The following TMBIM6 variants were observed in gnomAD, a reference collection of about 807,000 sequenced individuals.
The protein encoded by TMBIM6 is bax inhibitor 1.
In TMBIM6, 13 loss-of-function variants were observed where a neutral mutation model predicts 31.4. That is an observed-to-expected ratio of 0.41 (90% CI 0.27 to 0.66). The LOEUF (loss-of-function observed/expected upper bound fraction) is 0.66, where lower values mean the gene tolerates loss of function less well. Among genes scored for constraint, TMBIM6 ranks in the 30% least tolerant of loss-of-function variants. The pLI, the probability that TMBIM6 is intolerant of heterozygous loss-of-function variation, is 0.28. For missense variants in TMBIM6, 275 were observed against 289.5 expected, an observed-to-expected ratio of 0.95 and a Z score of 0.36; for synonymous variants, 85 against 101.7, an observed-to-expected ratio of 0.84 and a Z score of 0.99.
chr12:49,752,673 C>A, intron 2 of TMBIM6, 124 bp downstream of exon 2: 2 of 846,472 alleles, frequency 2.4e-6, no homozygotes, highest in Non-Finnish European at 3.7e-6. Flanking sequence ...ATCCAGAGGA[C>A]CTGATGAAAA....
chr12:49,745,783 G>A (rs1021139015), intron 1 of TMBIM6, among the ~76,000 whole-genome samples: 5 of 151,798 alleles, frequency 3.3e-5, no homozygotes, highest in Non-Finnish European at 7.4e-5. Flanking sequence ...GGGATATCTG[G>A]TATGATATTT....
intron 1 of TMBIM6, chr12:49,741,926 T>C (rs1945302284): frequency 4.1e-6 from 3 of 735,124 alleles, no homozygotes; most frequent in South Asian, 3.8e-5. Flanking sequence ...CCTTTTCCTT[T>C]CTCCCGCTCC....
In TMBIM6 at chr12:49,764,721, A is replaced by AAAT. The variant is rs777476590; in HGVS notation, c.*1826_*1827insATA. ...GAATGACAAGATATTAAAAAAAAAAAAGAAAGAAAAAAAAAAAAACACCTA... is the reference window on the plus strand; with the variant it reads ...GAATGACAAGATATTAAAAAAAAAAAAATAGAAAGAAAAAAAAAAAAACACCTA... On this transcript the variant is annotated 3_prime_UTR_variant, in exon 10 of 10. Transcript: ENST00000267115. 1 of 118,080 alleles carries AAAT rather than the reference A, an allele frequency of 8.5e-6. No individual in the cohort carries two copies. The highest frequency in any genetic ancestry group is 4.5e-5 in the African/African-American group (1 of 22,408). 7.3% of individuals were successfully genotyped at this position (118,080 alleles called of 1,614,324 possible).
chr12:49,763,511 CTTTCCCACCCCT>C lies in TMBIM6; in HGVS notation c.*617_*628del, dbSNP rs1296586591. On this transcript the variant is annotated 3_prime_UTR_variant, in exon 10 of 10. Coordinates refer to ENST00000267115, the MANE Select transcript of TMBIM6 (RefSeq NM_003217.3). ...TGCCTTCACAAAAGTAATGTGTTCCCTTTCCCACCCCTTGCCTGACCCTCAGGGAGTCAGCCT... is the reference window on the plus strand; with the variant it reads ...TGCCTTCACAAAAGTAATGTGTTCCCTGCCTGACCCTCAGGGAGTCAGCCT... 6.6e-6 allele frequency: 1 copy of C among 152,482 alleles called. No individual in the cohort carries two copies. Among genetic ancestry groups the C allele is most frequent in the Admixed American group, 6.5e-5 (1 of 15,318 alleles). 9.4% of individuals were successfully genotyped at this position (152,482 alleles called of 1,614,324 possible). A position where few individuals can be genotyped will look rare whatever the true frequency, so the allele number is the denominator to read the frequency against.
rs924211322 is a variant in TMBIM6 at position 49,755,576 on chromosome 12, T to C, written c.166-59T>C. The C allele has an allele frequency of 4.4e-6, 7 of 1,599,126 alleles. No individual in the cohort carries two copies. In the African/African-American group the frequency reaches 9.4e-5, roughly 22 times the overall value. On this transcript the variant is annotated intron_variant, in intron 3 of 9. Transcript: ENST00000267115. Reference sequence around the variant, plus strand: ...GTGTTTGAACCCAATAAAGGTCTCTTGCAAAATAAATTTGAAACTTTCAAG... The same window carrying C: ...GTGTTTGAACCCAATAAAGGTCTCTCGCAAAATAAATTTGAAACTTTCAAG...
At chr12:49,752,687 C>T in intron 2 of TMBIM6, 138 bp downstream of exon 2, 1 of 770,062 alleles carries the variant, frequency 1.3e-6, no homozygotes, top group Non-Finnish European at 2.1e-6. Context: ...ATGAAAATGT[C>T]CAAATTCTAC....
intron 3 of TMBIM6, among the ~76,000 whole-genome samples, chr12:49,754,357 C>G (rs915910280): frequency 6.6e-6 from 1 of 152,102 alleles, no homozygotes; most frequent in Non-Finnish European, 1.5e-5. Flanking sequence ...TGCAGAAAGA[C>G]CGTAATGTGC....
Position 49,762,909 on chromosome 12 carries a change from G to T in TMBIM6, c.*13G>T, listed in dbSNP as rs781633038. 3.7e-6 allele frequency: 6 copies of T among 1,611,504 alleles called. No individual in the cohort carries two copies. The highest frequency in any genetic ancestry group is 5.1e-6 in the Non-Finnish European group (6 of 1,177,986). On this transcript the variant is annotated 3_prime_UTR_variant, in exon 10 of 10. Coordinates refer to ENST00000267115, the MANE Select transcript of TMBIM6 (RefSeq NM_003217.3). The stretch of plus-strand genomic sequence containing the variant: ...AGAGAAGAAATGAAGTGACCATCCA[G>T]CCTTTCCCAATTAGACTTCCTCTCC...
At chr12:49,757,608 G>A (rs187225463) in intron 4 of TMBIM6, among the ~76,000 whole-genome samples, 28 of 152,324 alleles carry the variant, frequency 1.8e-4, no homozygotes, top group Non-Finnish European at 3.8e-4. Context: ...TCTAATATAC[G>A]TAGGAGAAAT....
intron 1 of TMBIM6, among the ~76,000 whole-genome samples, chr12:49,746,987 C>G (rs1235637668): frequency 6.6e-6 from 1 of 152,062 alleles, no homozygotes; most frequent in Non-Finnish European, 1.5e-5. Flanking sequence ...AGGCGCCCAC[C>G]ACCACATCTG....
At chr12:49,745,115 C>T (rs1945366404) in intron 1 of TMBIM6, among the ~76,000 whole-genome samples, 1 of 152,098 alleles carries the variant, frequency 6.6e-6, no homozygotes, top group African/African-American at 2.4e-5. Flanking sequence ...AAGATCAAAG[C>T]TTGGTCCTAG....
intron 1 of TMBIM6, among the ~76,000 whole-genome samples, chr12:49,742,934 C>T (rs1945323837): frequency 6.7e-6 from 1 of 150,264 alleles, no homozygotes. Flanking sequence ...TAGTTTGCTT[C>T]TTCCGTTATT....
chr12:49,758,802 C>T (rs374800772), intron 7 of TMBIM6, 40 bp downstream of exon 7: 6 of 1,411,838 alleles, frequency 4.2e-6, no homozygotes, highest in African/African-American at 3.0e-5. Flanking sequence ...CCATTTGCCT[C>T]ACACTTCTTT....
chr12:49,752,901 G>T, intron 2 of TMBIM6, 72 bp from the exon 3 acceptor site: 1 of 1,383,248 alleles, frequency 7.2e-7, no homozygotes, highest in Non-Finnish European at 1.0e-6. Context: ...GGGAAAGAGA[G>T]AAATGATTCT....
At chr12:49,752,608 C>T in intron 2 of TMBIM6, 59 bp downstream of exon 2, 3 of 1,380,312 alleles carry the variant, frequency 2.2e-6, no homozygotes, top group Non-Finnish European at 3.1e-6. Context: ...CTCTTTGTCC[C>T]TTTTCTGCAT....
At chr12:49,758,865 C>A (rs894854425) in intron 7 of TMBIM6, 103 bp downstream of exon 7, 9 of 961,758 alleles carry the variant, frequency 9.4e-6, no homozygotes, top group Admixed American at 7.3e-5. Flanking sequence ...TTGGGCAGTG[C>A]TCTCTAAGCC....
At chr12:49,762,344 G>A (rs987817913) in intron 9 of TMBIM6, among the ~76,000 whole-genome samples, 2 of 152,208 alleles carry the variant, frequency 1.3e-5, no homozygotes, top group African/African-American at 4.8e-5. Flanking sequence ...CTAGGCAGAT[G>A]TACAAGTTTC....
chr12:49,761,180 G>A (rs182710531), intron 8 of TMBIM6, among the ~76,000 whole-genome samples: 3 of 151,752 alleles, frequency 2.0e-5, no homozygotes, highest in East Asian at 2.0e-4. Context: ...TGACTAATTA[G>A]TGGTAGTTAA....
chr12:49,755,563 A>T lies in TMBIM6; in HGVS notation c.166-72A>T, dbSNP rs1267267844. The T allele has an allele frequency of 6.9e-6, 11 of 1,584,816 alleles. No homozygotes were observed. In the Admixed American group the frequency reaches 1.6e-4, roughly 23 times the overall value. On this transcript the variant is annotated intron_variant, in intron 3 of 9. Coordinates refer to ENST00000267115, the MANE Select transcript of TMBIM6 (RefSeq NM_003217.3). ...GAAGTTCAGACGAGTGTTTGAACCC[A>T]ATAAAGGTCTCTTGCAAAATAAATT... is the stretch of plus-strand genomic sequence containing the variant.
Sources: gnomAD v4.1 joint callset for allele counts (sites outside exome capture counted in the v4.1 genomes callset) on GRCh38, gnomAD v4.1.1 for gene constraint, MANE v1.5 for transcripts, NCBI Gene and HGNC (gene_info 2026-07-23, HGNC 2026-07-21) for gene names.